The following MSMB variants were observed in gnomAD, a reference collection of about 807,000 sequenced individuals.
The protein encoded by MSMB is beta-microseminoprotein.
Under a neutral mutation model 10.5 loss-of-function variants are expected in MSMB, and 10 were observed. The ratio of observed to expected loss-of-function variants is 0.95; its 90% CI spans 0.59 to 1.62. The LOEUF is 1.62. MSMB is among the 40% of genes most tolerant of loss of function. The pLI, the probability that MSMB is intolerant of heterozygous loss-of-function variation, is 0.00. For missense variants in MSMB, 126 were observed against 137.4 expected (o/e 0.92, Z 0.42); for synonymous variants, 43 against 46.5 (o/e 0.93, Z 0.30).
intron 1 of MSMB, among the ~76,000 whole-genome samples, chr10:46,041,383 A>G (rs533145426): frequency 6.6e-6 from 1 of 152,206 alleles, no homozygotes; most frequent in East Asian, 1.9e-4. Context: ...AAGATCTTTA[A>G]ACTAAATTTG....
In MSMB at chr10:46,033,408, C is replaced by G. The variant is rs1840505321; in HGVS notation, c.*14G>C. The G allele has an allele frequency of 6.2e-7, 1 of 1,612,966 alleles. No individual in the cohort carries two copies. Among genetic ancestry groups the G allele is most frequent in the Admixed American group, 1.7e-5 (1 of 59,968 alleles). On this transcript the variant is annotated 3_prime_UTR_variant, in exon 4 of 4. Coordinates refer to ENST00000582163, the MANE Select transcript of MSMB (RefSeq NM_002443.4). ...GAGGCCTGGCCTGGGAGCCCTGTGC[C>G]TACTAGAAGCACATTAGATTATCCA...
chr10:46,045,776 G>C (rs1840882631), intron 1 of MSMB, among the ~76,000 whole-genome samples: 1 of 152,044 alleles, frequency 6.6e-6, no homozygotes, highest in African/African-American at 2.4e-5. Flanking sequence ...CCAAGTTTGG[G>C]AGCCCCTGGC....
intron 1 of MSMB, among the ~76,000 whole-genome samples, chr10:46,040,410 A>C (rs1226586639): frequency 6.6e-5 from 10 of 152,204 alleles, no homozygotes; most frequent in Admixed American, 6.5e-4. Flanking sequence ...ACTGGGCCCA[A>C]CAGACCAAAC....
intron 3 of MSMB, among the ~76,000 whole-genome samples, chr10:46,034,868 T>C (rs1840564942): frequency 6.6e-6 from 1 of 150,738 alleles, no homozygotes. Flanking sequence ...AGCCCAGGCA[T>C]GGTGGCACAT....
intron 1 of MSMB, among the ~76,000 whole-genome samples, chr10:46,044,603 A>AAAAAAAAAAAAAAAAAATTTT: frequency 7.1e-6 from 1 of 141,074 alleles, no homozygotes; most frequent in African/African-American, 2.9e-5. Flanking sequence ...AAAAAAAAAA[A>AAAAAAAAAAAAAAAAAATTTT]GTTGTATCTC....
At chr10:46,045,047 G>C (rs1420831178) in intron 1 of MSMB, among the ~76,000 whole-genome samples, 1 of 152,036 alleles carries the variant, frequency 6.6e-6, no homozygotes, top group African/African-American at 2.4e-5. Context: ...AGGAGGCCCG[G>C]GGTCCCCTCC....
At chr10:46,036,846 C>T (rs1840619687) in intron 3 of MSMB, among the ~76,000 whole-genome samples, 1 of 152,186 alleles carries the variant, frequency 6.6e-6, no homozygotes, top group South Asian at 2.1e-4. Flanking sequence ...GAGCCACGCT[C>T]CTATGTGAGG....
At chr10:46,033,655 G>A (rs1840519861) in intron 3 of MSMB, 104 bp from the exon 4 acceptor site, 6 of 1,529,854 alleles carry the variant, frequency 3.9e-6, no homozygotes, top group African/African-American at 1.4e-5. Flanking sequence ...TCCAACTTAA[G>A]GGCACCCTTT....
intron 1 of MSMB, among the ~76,000 whole-genome samples, chr10:46,041,560 G>A (rs1259112566): frequency 6.6e-6 from 1 of 152,150 alleles, no homozygotes; most frequent in Non-Finnish European, 1.5e-5. Context: ...TTGGGAAGCT[G>A]AGGCAGGCAC....
At chr10:46,045,283 C>A (rs945092388) in intron 1 of MSMB, among the ~76,000 whole-genome samples, 2 of 152,040 alleles carry the variant, frequency 1.3e-5, no homozygotes, top group Non-Finnish European at 2.9e-5. Flanking sequence ...AGTAATCCCA[C>A]CACTTTGGGA....
chr10:46,041,622 C>G (rs1840756059), intron 1 of MSMB, among the ~76,000 whole-genome samples: 1 of 151,786 alleles, frequency 6.6e-6, no homozygotes, highest in South Asian at 2.1e-4. Context: ...GGTGAAAACC[C>G]ATCTCTACAA....
At chr10:46,038,376 C>T (rs1333860570) in intron 3 of MSMB, among the ~76,000 whole-genome samples, 2 of 151,918 alleles carry the variant, frequency 1.3e-5, no homozygotes, top group Non-Finnish European at 2.9e-5. Context: ...CAAGCTCTGC[C>T]TCCCGGGTTC....
At chr10:46,044,866 A>G (rs1840855680) in intron 1 of MSMB, among the ~76,000 whole-genome samples, 2 of 152,168 alleles carry the variant, frequency 1.3e-5, no homozygotes, top group Admixed American at 1.3e-4. Flanking sequence ...AGGCAGAGGT[A>G]TTGCCAGCTC....
intron 3 of MSMB, among the ~76,000 whole-genome samples, chr10:46,038,122 G>A (rs1002234600): frequency 8.5e-5 from 13 of 152,138 alleles, no homozygotes; most frequent in Non-Finnish European, 1.9e-4. Context: ...GGGGAGAAGG[G>A]GATGGAGAGT....
chr10:46,042,830 G>A (rs1840783275), intron 1 of MSMB, among the ~76,000 whole-genome samples: 1 of 152,188 alleles, frequency 6.6e-6, no homozygotes, highest in African/African-American at 2.4e-5. Context: ...TGAGGGTTTT[G>A]TACCAAATAA....
In MSMB at chr10:46,035,390, C is replaced by G. The variant is rs955207843; in HGVS notation, c.216-1839G>C. On this transcript the variant is annotated intron_variant, in intron 3 of 3. Coordinates refer to ENST00000582163, the MANE Select transcript of MSMB (RefSeq NM_002443.4). ...GAACAACATTACTTACTTTATCCAA[C>G]AGGCAGAAGCAACTCAAGTGTTCAA... 3.3e-5 allele frequency among the ~76,000 whole-genome samples: 5 copies of G among 152,208 alleles called. No individual in the cohort carries two copies. In the East Asian group the frequency reaches 9.6e-4, roughly 29 times the overall value.
chr10:46,036,552 C>G (rs1174227438), intron 3 of MSMB, among the ~76,000 whole-genome samples: 7 of 152,178 alleles, frequency 4.6e-5, no homozygotes, highest in African/African-American at 1.7e-4. Context: ...AATATATACA[C>G]AGAATCTCAT....
In MSMB at chr10:46,040,043, A is replaced by G. The variant is rs200159690; in HGVS notation, c.52T>C (p.Cys18Arg). ...GGTATGAAATAGCATGATGCATTGC[A>G]TAAAGTCACGAAGGTGGCAAAGATC... Reference protein sequence around the residue: ...VVIFATFVTLCNASCYFIPNE... With the variant: ...VVIFATFVTLRNASCYFIPNE... The change falls in exon 2 of 4, where the codon TGC (cysteine) becomes CGC (arginine). Residue 18 changes from cysteine (C) to arginine (R), a missense_variant. Physicochemically the swap from Cys to Arg is radical, Grantham distance 180. Coordinates refer to ENST00000582163, the MANE Select transcript of MSMB (RefSeq NM_002443.4). 1.4e-5 allele frequency: 22 copies of G among 1,613,954 alleles called. No individual in the cohort carries two copies. Among genetic ancestry groups the G allele is most frequent in the Admixed American group, 3.3e-5 (2 of 59,998 alleles).
intron 1 of MSMB, among the ~76,000 whole-genome samples, chr10:46,044,412 T>A (rs1554929100): frequency 3.4e-5 from 5 of 148,882 alleles, no homozygotes; most frequent in African/African-American, 7.4e-5. Flanking sequence ...CCGTCTCTAC[T>A]AAAAATACAA....
Sources: gnomAD v4.1 joint callset for allele counts (sites outside exome capture counted in the v4.1 genomes callset) on GRCh38, gnomAD v4.1.1 for gene constraint, MANE v1.5 for transcripts, NCBI Gene and HGNC (gene_info 2026-07-23, HGNC 2026-07-21) for gene names.